The following ATP8B4 variants were observed in gnomAD, a reference collection of about 807,000 sequenced individuals.
The protein encoded by ATP8B4 is ATPase phospholipid transporting 8B4 (putative).
A neutral mutation model predicts 145.6 loss-of-function variants in ATP8B4; 133 were observed. The ratio of observed to expected loss-of-function variants is 0.91; its 90% CI spans 0.79 to 1.05. The LOEUF (loss-of-function observed/expected upper bound fraction) is 1.05, where lower values mean the gene tolerates loss of function less well. Among genes scored for constraint, ATP8B4 ranks in the 50% least tolerant of loss-of-function variants. The pLI, the probability that ATP8B4 is intolerant of heterozygous loss-of-function variation, is 0.00. For missense variants in ATP8B4, 1,458 were observed against 1,425.2 expected (o/e 1.02, Z -0.37); for synonymous variants, 507 against 492.9 (o/e 1.03, Z -0.38).
intron 5 of ATP8B4, among the ~76,000 whole-genome samples, chr15:50,043,357 C>A (rs1194744572): frequency 4.6e-5 from 7 of 152,182 alleles, no homozygotes; most frequent in Non-Finnish European, 1.0e-4. Flanking sequence ...TTTGAAGCTA[C>A]AGTTGACCCT....
intron 20 of ATP8B4, among the ~76,000 whole-genome samples, chr15:49,902,816 A>G (rs544831864): frequency 1.9e-4 from 29 of 152,340 alleles, no homozygotes; most frequent in African/African-American, 7.0e-4. Flanking sequence ...TTCTCTGACA[A>G]TGTTGCAGAG....
At chr15:50,104,029 A>C (rs2153665784) in intron 2 of ATP8B4, among the ~76,000 whole-genome samples, 1 of 152,308 alleles carries the variant, frequency 6.6e-6, no homozygotes, top group South Asian at 2.1e-4. Flanking sequence ...GGCAAGCCAC[A>C]TGTGGAAGAA....
At chr15:50,081,634 T>C (rs1008344381) in intron 2 of ATP8B4, among the ~76,000 whole-genome samples, 1 of 152,182 alleles carries the variant, frequency 6.6e-6, no homozygotes, top group Non-Finnish European at 1.5e-5. Context: ...TAAAAATCAG[T>C]TTGTGAACAA....
chr15:50,057,988 A>C (rs747371848), intron 3 of ATP8B4, among the ~76,000 whole-genome samples: 12 of 152,090 alleles, frequency 7.9e-5, no homozygotes, highest in Non-Finnish European at 1.6e-4. Context: ...AAGGGACTGA[A>C]AATACAGACA....
In ATP8B4 at chr15:49,898,153, G is replaced by C. The variant is rs1467523825; in HGVS notation, c.2388C>G (p.Ala796=). 9.3e-6 allele frequency: 15 copies of C among 1,613,722 alleles called. No homozygotes were observed. In the Admixed American group the frequency reaches 2.5e-4, roughly 27 times the overall value. Reference sequence around the variant, plus strand: ...ACTTCTTCACCAGCTCTACCACTTGGGCTTTCTGGAGTGGAGTGACCCTGC... The same window carrying C: ...ACTTCTTCACCAGCTCTACCACTTGCGCTTTCTGGAGTGGAGTGACCCTGC... ...ICCRVTPLQK[A]QVVELVKKYR... Residue 796 remains alanine, a synonymous_variant, in exon 22 of 28, where the codon GCC becomes GCG. Coordinates refer to ENST00000284509, the MANE Select transcript of ATP8B4 (RefSeq NM_024837.4).
At chr15:50,016,321 G>C (rs1159441422) in intron 6 of ATP8B4, among the ~76,000 whole-genome samples, 2 of 152,202 alleles carry the variant, frequency 1.3e-5, no homozygotes, top group East Asian at 3.8e-4. Flanking sequence ...GAATTCAGAA[G>C]AAAATGATTT....
chr15:49,980,937 C>T (rs1300588061), intron 11 of ATP8B4, among the ~76,000 whole-genome samples: 1 of 152,182 alleles, frequency 6.6e-6, no homozygotes, highest in Non-Finnish European at 1.5e-5. Context: ...GTTTGGTTTT[C>T]CAAAAACAAA....
intron 7 of ATP8B4, among the ~76,000 whole-genome samples, chr15:50,004,280 C>T (rs959301681): frequency 6.6e-6 from 1 of 152,168 alleles, no homozygotes; most frequent in Non-Finnish European, 1.5e-5. Context: ...TCAATGCGCT[C>T]ATTGTCATGC....
intron 3 of ATP8B4, among the ~76,000 whole-genome samples, chr15:50,072,925 T>TCTCTCTCTCC (rs2053850584): frequency 1.1e-4 from 1 of 8,754 alleles, no homozygotes; most frequent in African/African-American, 4.3e-4. Context: ...GCCCGGCCTC[T>TCTCTCTCTCC]CTCTCTCTCT....
chr15:49,918,874 T>C lies in ATP8B4; in HGVS notation c.2000A>G (p.Asn667Ser), dbSNP rs776525885. ...TCCTGTTAGGACCCAGATCTTAATA[T>C]TGGCTAGTGATAAACTTGTAACTGT... is the stretch of plus-strand genomic sequence containing the variant. The part of the protein sequence containing the change: ...IETVTSLSLA[N>S]IKIWVLTGDK... The change falls in exon 19 of 28, where the codon AAT becomes AGT. Residue 667 changes from asparagine to serine, a missense_variant. Transcript: ENST00000284509. The C allele has an allele frequency of 1.9e-6, 3 of 1,613,266 alleles. No homozygotes were observed. The highest frequency in any genetic ancestry group is 1.7e-6 in the Non-Finnish European group (2 of 1,179,422).
At chr15:49,958,480 A>T (rs2043781775) in intron 14 of ATP8B4, among the ~76,000 whole-genome samples, 1 of 151,730 alleles carries the variant, frequency 6.6e-6, no homozygotes, top group African/African-American at 2.4e-5. Flanking sequence ...ATACTTTTTC[A>T]TGGAAGAAGG....
intron 14 of ATP8B4, among the ~76,000 whole-genome samples, chr15:49,939,790 C>A (rs2042019090): frequency 6.6e-6 from 1 of 152,024 alleles, no homozygotes; most frequent in South Asian, 2.1e-4. Context: ...ATGCCAAAGA[C>A]ACAATGATAA....
intron 2 of ATP8B4, among the ~76,000 whole-genome samples, chr15:50,082,294 G>T (rs2054603588): frequency 6.6e-6 from 1 of 152,046 alleles, no homozygotes; most frequent in South Asian, 2.1e-4. Flanking sequence ...CCCCAGTTGG[G>T]GTTTCCTATT....
chr15:50,046,419 A>G (rs2051726418), intron 4 of ATP8B4, among the ~76,000 whole-genome samples: 1 of 152,196 alleles, frequency 6.6e-6, no homozygotes, highest in African/African-American at 2.4e-5. Context: ...ACAAAACAAA[A>G]CAAAAACAGA....
intron 3 of ATP8B4, among the ~76,000 whole-genome samples, chr15:50,059,795 T>C (rs540912707): frequency 2.3e-4 from 35 of 152,324 alleles, no homozygotes; most frequent in African/African-American, 8.4e-4. Context: ...GTCAGAGGAA[T>C]AGACAACTGT....
intron 12 of ATP8B4, among the ~76,000 whole-genome samples, chr15:49,975,247 T>A (rs891710769): frequency 4.1e-4 from 63 of 152,252 alleles, no homozygotes; most frequent in African/African-American, 1.5e-3. Flanking sequence ...GTACCTCAAT[T>A]AGTAAGGAAT....
intron 6 of ATP8B4, among the ~76,000 whole-genome samples, chr15:50,032,674 T>C (rs1599929401): frequency 1.3e-5 from 2 of 152,262 alleles, no homozygotes; most frequent in East Asian, 1.9e-4. Flanking sequence ...TTGTGAGATA[T>C]GCACTGGATG....
At chr15:50,020,612 C>G (rs1401174506) in intron 6 of ATP8B4, among the ~76,000 whole-genome samples, 1 of 152,100 alleles carries the variant, frequency 6.6e-6, no homozygotes, top group Non-Finnish European at 1.5e-5. Flanking sequence ...TACAGAATGA[C>G]TAATATCTTG....
At chr15:50,157,166 C>T (rs1474170197) in intron 1 of ATP8B4, among the ~76,000 whole-genome samples, 1 of 152,146 alleles carries the variant, frequency 6.6e-6, no homozygotes, top group Non-Finnish European at 1.5e-5. Flanking sequence ...CCAGAGTACT[C>T]AAACCAAAGG....
Sources: gnomAD v4.1 joint callset for allele counts (sites outside exome capture counted in the v4.1 genomes callset) on GRCh38, gnomAD v4.1.1 for gene constraint, MANE v1.5 for transcripts, NCBI Gene and HGNC (gene_info 2026-07-23, HGNC 2026-07-21) for gene names.